Variants in CD6 observed in about 807,000 individuals in gnomAD.
CD6 encodes CD6 molecule.
In CD6, 53 loss-of-function variants were observed where a neutral mutation model predicts 75.3. The ratio of observed to expected loss-of-function variants is 0.70; its 90% CI spans 0.56 to 0.88. The LOEUF (loss-of-function observed/expected upper bound fraction) is 0.88. Among genes scored for constraint, CD6 ranks in the 40% least tolerant of loss-of-function variants. The pLI, the probability that CD6 is intolerant of heterozygous loss-of-function variation, is 0.00. For synonymous variants in CD6, 359 were observed against 381.5 expected, an observed-to-expected ratio of 0.94 and a Z score of 0.69; for missense variants, 770 against 897.1, an observed-to-expected ratio of 0.86 and a Z score of 1.81.
In CD6 at chr11:60,974,535, G is replaced by A. The variant is rs369511649; in HGVS notation, c.49+2621G>A. Reference sequence around the variant, plus strand: ...GCTGGGATTACAGGAGTGAGCCACCGCGCCCAGCCTCCTTCTTCCCTTTCT... The same window carrying A: ...GCTGGGATTACAGGAGTGAGCCACCACGCCCAGCCTCCTTCTTCCCTTTCT... On this transcript the variant is annotated intron_variant, in intron 1 of 12. Coordinates refer to ENST00000313421, the MANE Select transcript of CD6 (RefSeq NM_006725.5). Among the ~76,000 whole-genome samples, 339 of 152,278 alleles carry A rather than the reference G, an allele frequency of 2.2e-3. 1 individual carries two copies. Among genetic ancestry groups the A allele is most frequent in the South Asian group, 5.6e-3 (27 of 4,824 alleles).
chr11:61,016,244 T>C (rs1483313996), intron 9 of CD6, among the ~76,000 whole-genome samples: 2 of 152,146 alleles, frequency 1.3e-5, no homozygotes, highest in Non-Finnish European at 2.9e-5. Context: ...TCAGCCCCAC[T>C]CACTTCCTCA....
At chr11:61,000,099 C>A (rs1418582652) in intron 1 of CD6, among the ~76,000 whole-genome samples, 1 of 151,848 alleles carries the variant, frequency 6.6e-6, no homozygotes, top group Non-Finnish European at 1.5e-5. Context: ...ATATAAAAAA[C>A]CAGCACATCA....
chr11:61,009,456 C>T, intron 4 of CD6, 116 bp from the exon 5 acceptor site: 1 of 933,850 alleles, frequency 1.1e-6, no homozygotes. Flanking sequence ...AGGGAGAAGA[C>T]ACAAGATCTG....
Position 60,994,465 on chromosome 11 carries a change from A to AAAAAAAAAAAAAAAAAAAAAAAAC in CD6, c.50-12103_50-12102insAAAAAAAAAAAAAAAAACAAAAAA, listed in dbSNP as rs1554993198. The stretch of plus-strand genomic sequence containing the variant: ...CTCCCCAACACCCCCGCCAAAAAAA[A>AAAAAAAAAAAAAAAAAAAAAAAAC]AAAAAAGCTGAATTTCTTTGACCTG... On this transcript the variant is annotated intron_variant, in intron 1 of 12. Coordinates refer to ENST00000313421, the MANE Select transcript of CD6 (RefSeq NM_006725.5). Among the ~76,000 whole-genome samples the AAAAAAAAAAAAAAAAAAAAAAAAC allele has an allele frequency of 2.2e-5, 3 of 138,276 alleles. 1 individual carries two copies. The highest frequency in any genetic ancestry group is 4.8e-5 in the Non-Finnish European group (3 of 61,974). 90.7% of individuals were successfully genotyped at this position (138,276 alleles called of 152,430 possible).
chr11:60,984,110 A>G (rs1857697072), intron 1 of CD6, among the ~76,000 whole-genome samples: 1 of 152,108 alleles, frequency 6.6e-6, no homozygotes, highest in Non-Finnish European at 1.5e-5. Flanking sequence ...TGCTGTAAAG[A>G]TAATTTCCTC....
At chr11:61,008,338 C>G in intron 3 of CD6, 196 bp from the exon 4 acceptor site, 1 of 586,202 alleles carries the variant, frequency 1.7e-6, no homozygotes, top group Non-Finnish European at 2.9e-6. Context: ...CACCAGGTCT[C>G]TGGTCCCTCC....
intron 1 of CD6, among the ~76,000 whole-genome samples, chr11:61,003,211 C>T (rs61899219): frequency 0.64 from 97,782 of 151,898 alleles, 31,849 homozygotes; most frequent in Admixed American, 0.73. Flanking sequence ...GTAATCCACA[C>T]GCCTTGGCCT....
chr11:61,014,093 T>C, intron 8 of CD6, 79 bp downstream of exon 8: 1 of 1,035,460 alleles, frequency 9.7e-7, no homozygotes, highest in Non-Finnish European at 1.4e-6. Flanking sequence ...CAGCACCACT[T>C]AGGTCCAAGA....
intron 9 of CD6, among the ~76,000 whole-genome samples, chr11:61,016,449 A>C (rs1342813947): frequency 6.6e-6 from 1 of 152,134 alleles, no homozygotes; most frequent in Non-Finnish European, 1.5e-5. Context: ...CCCACACCTA[A>C]TGTTATCAGT....
intron 1 of CD6, among the ~76,000 whole-genome samples, chr11:60,985,744 G>A (rs1198779717): frequency 2.0e-5 from 3 of 152,158 alleles, no homozygotes; most frequent in African/African-American, 7.2e-5. Flanking sequence ...GGTTGCTTGA[G>A]CCCAGGAGTT....
intron 1 of CD6, among the ~76,000 whole-genome samples, chr11:60,981,099 G>A (rs948193019): frequency 3.3e-5 from 5 of 152,122 alleles, no homozygotes; most frequent in African/African-American, 9.7e-5. Context: ...CGGAAGGTGC[G>A]CCACAAAATG....
chr11:60,993,543 C>T (rs559983802), intron 1 of CD6, among the ~76,000 whole-genome samples: 2 of 152,212 alleles, frequency 1.3e-5, no homozygotes, highest in Admixed American at 6.5e-5. Context: ...CACTCTTCTT[C>T]TGTTTGGCTC....
At chr11:60,984,020 T>A (rs1857692707) in intron 1 of CD6, among the ~76,000 whole-genome samples, 1 of 152,074 alleles carries the variant, frequency 6.6e-6, no homozygotes, top group South Asian at 2.1e-4. Context: ...GTGAATCATA[T>A]CAGGAGGCAC....
Position 61,007,890 on chromosome 11 carries a change from G to A in CD6, c.449G>A (p.Arg150Gln), listed in dbSNP as rs1370260158. 7.3e-7 allele frequency: 1 copy of A among 1,370,896 alleles called. No individual in the cohort carries two copies. Among genetic ancestry groups the A allele is most frequent in the Non-Finnish European group, 9.4e-7 (1 of 1,067,198 alleles). The allele number at this position is 1,370,896 out of a possible 1,614,324, so 84.9% of individuals were successfully genotyped here. Reference sequence around the variant, plus strand: ...CACGCGTGCCGCAGCGACGGGAGGCGGGCCCGTGTCACCTGTGCAGGTACG... The same window carrying A: ...CACGCGTGCCGCAGCGACGGGAGGCAGGCCCGTGTCACCTGTGCAGGTACG... ...VEHACRSDGR[R>Q]ARVTCAENRA... is the part of the protein sequence containing the mutation. Residue 150 changes from arginine to glutamine, a missense_variant, in exon 3 of 13, where the codon CGG becomes CAG. Arg to Gln is a conservative substitution (Grantham distance 43, BLOSUM62 1). Transcript: ENST00000313421. The surrounding 1 kb of genome is among the most constrained non-coding windows in gnomAD (Gnocchi z 4.2).
Position 61,009,785 on chromosome 11 carries a change from G to C in CD6, c.995G>C (p.Gly332Ala), listed in dbSNP as rs373043486. The change falls in exon 5 of 13, where the codon GGG (glycine) becomes GCG (alanine). Residue 332 changes from glycine to alanine, a missense_variant. Transcript: ENST00000313421. ...GGCAGGATGTACTACTCATGCAATG[G>C]GGAGGAGCTCACCCTCTCCAACTGC... ...LSGRMYYSCN[G>A]EELTLSNCSW... 5.8e-5 allele frequency: 94 copies of C among 1,612,444 alleles called. No homozygotes were observed. The highest frequency in any genetic ancestry group is 7.7e-5 in the Non-Finnish European group (91 of 1,179,310).
intron 1 of CD6, chr11:60,982,576 T>C (rs2905506): frequency 0.82 from 372,300 of 455,906 alleles, 152,779 homozygotes; most frequent in East Asian, 0.98. Flanking sequence ...CCCCACTCCA[T>C]TTGGTGTGCT....
At chr11:60,998,656 C>G (rs1858418465) in intron 1 of CD6, among the ~76,000 whole-genome samples, 1 of 152,164 alleles carries the variant, frequency 6.6e-6, no homozygotes, top group Admixed American at 6.5e-5. Context: ...GGCGTGGCCA[C>G]ACTGTCTGCC....
At chr11:61,001,423 G>A (rs1354298554) in intron 1 of CD6, among the ~76,000 whole-genome samples, 11 of 151,972 alleles carry the variant, frequency 7.2e-5, no homozygotes, top group East Asian at 5.8e-4. Flanking sequence ...GGCTGGTCTC[G>A]AACTCTGGAC....
At chr11:60,979,030 C>G (rs1857467409) in intron 1 of CD6, among the ~76,000 whole-genome samples, 1 of 152,184 alleles carries the variant, frequency 6.6e-6, no homozygotes. Flanking sequence ...ACATGGTGAC[C>G]TCATTTTATA....
Sources: allele counts gnomAD v4.1 joint callset (sites outside exome capture counted in the v4.1 genomes callset), GRCh38; gene constraint gnomAD v4.1.1; non-coding constraint Gnocchi (gnomAD v3.1); transcripts MANE v1.5; gene names NCBI Gene and HGNC (gene_info 2026-07-23, HGNC 2026-07-21).